Variants in APOB observed in about 807,000 individuals in gnomAD.
APOB encodes apolipoprotein B-100.
In APOB, 153 loss-of-function variants were observed where a neutral mutation model predicts 314.1. That is an observed-to-expected ratio of 0.49 (90% CI 0.43 to 0.56). The LOEUF is 0.56. Ranked by LOEUF, APOB falls within the 20% of genes least tolerant of loss-of-function variation. APOB has a pLI of 0.00. For missense variants in APOB, 5,430 were observed against 5,350.7 expected, an observed-to-expected ratio of 1.01 and a Z score of -0.46; for synonymous variants, 2,087 against 2,036.4, an observed-to-expected ratio of 1.02 and a Z score of -0.67.
chr2:21,013,130 C>T (rs749937860), intron 25 of APOB, 30 bp downstream of exon 25: 26 of 1,612,378 alleles, frequency 1.6e-5, no homozygotes, highest in East Asian at 6.7e-5. Context: ...TGAACTAGCC[C>T]GGTGCACCCT....
intron 2 of APOB, 122 bp downstream of exon 2, chr2:21,043,391 T>G (rs1664180952): frequency 2.5e-6 from 3 of 1,176,824 alleles, no homozygotes; most frequent in African/African-American, 1.5e-5. Context: ...CTTCCTGGGG[T>G]CAGAGCAAGG....
Position 21,007,013 on chromosome 2 carries a change from G to A in APOB, c.9855C>T (p.Ile3285=), listed in dbSNP as rs72654403. The A allele has an allele frequency of 3.6e-4, 587 of 1,614,012 alleles. 3 individuals are homozygous for A. The Middle Eastern group carries it at 6.1e-3, about 17-fold the overall frequency. ...AAGGCACACGGACGTCAGAACCTAGGATGGAGAAACTAGGCATGCTGACTG... is the reference window on the plus strand; with the variant it reads ...AAGGCACACGGACGTCAGAACCTAGAATGGAGAAACTAGGCATGCTGACTG... ...PKAVSMPSFS[I]LGSDVRVPSY... is the part of the protein sequence containing the mutation. The change falls in exon 26 of 29, where the codon ATC becomes ATT. Residue 3285 remains isoleucine (I), a synonymous_variant. Coordinates refer to ENST00000233242, the MANE Select transcript of APOB (RefSeq NM_000384.3).
At chr2:21,041,128 T>G in intron 3 of APOB, 45 bp from the exon 4 acceptor site, 1 of 1,596,328 alleles carries the variant, frequency 6.3e-7, no homozygotes, top group East Asian at 2.2e-5. Flanking sequence ...CTATCAAGAA[T>G]GAGAGGTGGC....
rs201595604 is a variant in APOB at position 21,025,036 on chromosome 2, C to T, written c.2333G>A (p.Arg778His). ...AAAACCAAGCTCCTCTCCCAAGATGCGGAGGTAGGCTCTGGCTTCCGGGAC... is the reference window on the plus strand; with the variant it reads ...AAAACCAAGCTCCTCTCCCAAGATGTGGAGGTAGGCTCTGGCTTCCGGGAC... The part of the protein sequence containing the change: ...KEVPEARAYL[R>H]ILGEELGFAS... Residue 778 changes from arginine to histidine, a missense_variant, in exon 16 of 29, where the codon CGC becomes CAC. Around this residue, in one of 3 missense-constraint regions of APOB, gnomAD observed 2,085 missense variants for 2,079.7 expected, o/e 1.00. Coordinates refer to ENST00000233242, the MANE Select transcript of APOB (RefSeq NM_000384.3). 1.7e-5 allele frequency: 27 copies of T among 1,614,222 alleles called. No homozygotes were observed. The Admixed American group carries it at 2.5e-4, about 15-fold the overall frequency.
chr2:21,026,859 G>A lies in APOB; in HGVS notation c.2173C>T (p.Gln725Ter), dbSNP rs374473614. The A allele has an allele frequency of 6.2e-7, 1 of 1,613,898 alleles. No homozygotes were observed. Among genetic ancestry groups the A allele is most frequent in the Non-Finnish European group, 8.5e-7 (1 of 1,179,912 alleles). The part of the protein sequence containing the change: ...VNKALYWVNG[Q>*]VPDGVSKVLV... ...ACCTTAGAGACACCATCAGGAACTT[G>A]ACCATTAACCCAGTACAAAGCTTTG... The change falls in exon 15 of 29, where the codon CAA (glutamine) becomes TAA (stop). Residue 725 changes from glutamine (Q) to a stop codon, truncating the protein, a stop_gained. Coordinates refer to ENST00000233242, the MANE Select transcript of APOB (RefSeq NM_000384.3). LOFTEE classifies it high-confidence loss of function.
intron 12 of APOB, 55 bp downstream of exon 12, chr2:21,029,584 T>C: frequency 6.3e-7 from 1 of 1,596,262 alleles, no homozygotes; most frequent in South Asian, 1.1e-5. Flanking sequence ...CCCTAGTACC[T>C]TCCAAATCCT....
intron 25 of APOB, 104 bp downstream of exon 25, chr2:21,013,056 A>T: frequency 1.4e-6 from 2 of 1,390,526 alleles, no homozygotes; most frequent in Non-Finnish European, 2.0e-6. Context: ...AGCAAGGAAG[A>T]TTATCTGCTA....
rs536526822 is a variant in APOB at position 21,030,103 on chromosome 2, A to G, written c.1353-88T>C. On this transcript the variant is annotated intron_variant, in intron 10 of 28. Coordinates refer to ENST00000233242, the MANE Select transcript of APOB (RefSeq NM_000384.3). ...AACTTGTGAATTAGAAAAAATAATTATAAAATTCATATGGAATCCAAAAAG... is the reference window on the plus strand; with the variant it reads ...AACTTGTGAATTAGAAAAAATAATTGTAAAATTCATATGGAATCCAAAAAG... 9.6e-6 allele frequency: 8 copies of G among 830,852 alleles called. No individual in the cohort carries two copies. The African/African-American group carries it at 1.0e-4, about 11-fold the overall frequency. 51.5% of individuals were successfully genotyped at this position (830,852 alleles called of 1,614,324 possible).
intron 7 of APOB, 36 bp downstream of exon 7, chr2:21,035,548 T>A (rs769726778): frequency 3.7e-6 from 6 of 1,613,132 alleles, no homozygotes; most frequent in Non-Finnish European, 5.1e-6. Context: ...CACTGACCCA[T>A]TAAATGACAA....
chr2:21,007,327 T>C lies in APOB; in HGVS notation c.9541A>G (p.Lys3181Glu). ...LSVKAQYKKN[K>E]HRHSITNPLA... is the part of the protein sequence containing the mutation. ...GGATTTGTGATGGAATGCCTGTGTT[T>C]GTTTTTCTTATACTGAGCTTTTACA... Residue 3181 changes from lysine (K) to glutamate (E), a missense_variant, in exon 26 of 29, where the codon AAA (lysine) becomes GAA (glutamate). Lys to Glu is a moderately conservative substitution (Grantham distance 56). Transcript: ENST00000233242. The C allele has an allele frequency of 6.2e-7, 1 of 1,614,062 alleles. No individual in the cohort carries two copies. Among genetic ancestry groups the C allele is most frequent in the Non-Finnish European group, 8.5e-7 (1 of 1,179,970 alleles).
At chr2:21,026,360 G>C (rs1663731396) in intron 15 of APOB, among the ~76,000 whole-genome samples, 1 of 151,778 alleles carries the variant, frequency 6.6e-6, no homozygotes, top group South Asian at 2.1e-4. Context: ...CAATTCTCCT[G>C]TCTCAGCCTC....
chr2:21,011,762 T>A lies in APOB; in HGVS notation c.5106A>T (p.Lys1702Asn). The change falls in exon 26 of 29, where the codon AAA (lysine) becomes AAT (asparagine). Residue 1702 changes from lysine to asparagine, a missense_variant. Transcript: ENST00000233242. ...EHNAKFSLDG[K>N]AALTELSLGS... ...CCAGTGATAGCTCTGTGAGGGCGGC[T>A]TTCCCATCCAGACTGAATTTTGCAT... 1 of 1,614,130 alleles carries A rather than the reference T, an allele frequency of 6.2e-7. No individual in the cohort carries two copies. The highest frequency in any genetic ancestry group is 8.5e-7 in the Non-Finnish European group (1 of 1,180,038).
rs75165693 is a variant in APOB at position 21,005,678 on chromosome 2, G to T, written c.11190C>A (p.Phe3730Leu). 6.2e-7 allele frequency: 1 copy of T among 1,613,940 alleles called. No homozygotes were observed. The highest frequency in any genetic ancestry group is 2.2e-5 in the East Asian group (1 of 44,872). Residue 3730 changes from phenylalanine to leucine, a missense_variant, in exon 26 of 29, where the codon TTC becomes TTA. Phe to Leu is a conservative substitution (Grantham distance 22). Coordinates refer to ENST00000233242, the MANE Select transcript of APOB (RefSeq NM_000384.3). Reference sequence around the variant, plus strand: ...CATTTAGTTTCAGCCCAGGAATAATGAATTTATCAGCCAAAACTTTTACAG... The same window carrying T: ...CATTTAGTTTCAGCCCAGGAATAATTAATTTATCAGCCAAAACTTTTACAG... Reference protein sequence around the residue: ...SIPVKVLADKFIIPGLKLNDL... With the variant: ...SIPVKVLADKLIIPGLKLNDL...
Position 21,044,073 on chromosome 2 carries a change from T to A in APOB, c.-128A>T, listed in dbSNP as rs1319302345. 2.6e-6 allele frequency: 1 copy of A among 385,916 alleles called. No individual in the cohort carries two copies. Among genetic ancestry groups the A allele is most frequent in the Non-Finnish European group, 4.3e-6 (1 of 233,296 alleles). The allele number at this position is 385,916 out of a possible 1,614,324, so 23.9% of individuals were successfully genotyped here. ...TCAGCCCCGCAGGTCCCGGTGGGAA[T>A]GCGCGGCCGGCGCCCGCACCCCATT... On this transcript the variant is annotated 5_prime_UTR_variant, in exon 1 of 29. Transcript: ENST00000233242.
In APOB at chr2:21,023,617, G is replaced by A; in HGVS notation, c.2512C>T (p.Leu838Phe). 1.9e-6 allele frequency: 3 copies of A among 1,614,148 alleles called. No homozygotes were observed. Among genetic ancestry groups the A allele is most frequent in the Non-Finnish European group, 2.5e-6 (3 of 1,179,996 alleles). The change falls in exon 17 of 29, where the codon CTC becomes TTC. Residue 838 changes from leucine to phenylalanine, a missense_variant. Physicochemically the swap from Leu to Phe is conservative, Grantham distance 22. This residue lies in a region of APOB where 2,085 missense variants were observed against 2,079.7 expected (regional missense o/e 1.00). Transcript: ENST00000233242. ...AACTGTAATCCAGCTCCAGTGGGGA[G>A]TTCAAAGGCATTCTCCATGAAGATG... The part of the protein sequence containing the change: ...HYIFMENAFE[L>F]PTGAGLQLQI...
rs1663212251 is a variant in APOB at position 21,008,485 on chromosome 2, C to T, written c.8383G>A (p.Ala2795Thr). The T allele has an allele frequency of 3.1e-6, 5 of 1,614,042 alleles. No individual in the cohort carries two copies. The East Asian group carries it at 1.1e-4, about 36-fold the overall frequency. The stretch of plus-strand genomic sequence containing the variant: ...ACTTCTAATTTGGACTCTCCTTTGG[C>T]AGTGATGGAAGCTGCGATACCTGCT... ...NEAGIAASIT[A>T]KGESKLEVLN... The change falls in exon 26 of 29, where the codon GCC becomes ACC. Residue 2795 changes from alanine (A) to threonine (T), a missense_variant. Coordinates refer to ENST00000233242, the MANE Select transcript of APOB (RefSeq NM_000384.3).
At position 21,006,178 on chromosome 2, in the gene APOB, C is replaced by G; in HGVS notation, c.10690G>C (p.Glu3564Gln). Residue 3564 changes from glutamate to glutamine, a missense_variant, in exon 26 of 29, where the codon GAG becomes CAG. Coordinates refer to ENST00000233242, the MANE Select transcript of APOB (RefSeq NM_000384.3). ...TGTAAGTGGTTTTTCGTACTGTGCT[C>G]CCAGAGGGAATATATGCGTTGGAGT... ...ATLQRIYSLW[E>Q]HSTKNHLQLE... is the part of the protein sequence containing the mutation. 2 of 1,613,980 alleles carry G rather than the reference C, an allele frequency of 1.2e-6. No homozygotes were observed. Among genetic ancestry groups the G allele is most frequent in the Non-Finnish European group, 1.7e-6 (2 of 1,179,936 alleles).
rs770208261 is a variant in APOB, at chr2:21,043,996, C to T, written c.-51G>A. On this transcript the variant is annotated 5_prime_UTR_variant, in exon 1 of 29. Coordinates refer to ENST00000233242, the MANE Select transcript of APOB (RefSeq NM_000384.3). The stretch of plus-strand genomic sequence containing the variant: ...GGGCTGCGGCCTGGCCTCGGCCTCG[C>T]GGCCCTGGCTGGCTGGGCGGGCTCC... The T allele has an allele frequency of 8.9e-6, 9 of 1,010,578 alleles. No homozygotes were observed. Among genetic ancestry groups the T allele is most frequent in the Non-Finnish European group, 1.1e-5 (9 of 791,444 alleles). The allele number at this position is 1,010,578 out of a possible 1,614,324, so 62.6% of individuals were successfully genotyped here. A position where few individuals can be genotyped will look rare whatever the true frequency, so the allele number is the denominator to read the frequency against.
Position 21,002,711 on chromosome 2 carries a change from A to G in APOB, c.12711T>C (p.Asn4237=). 6.2e-7 allele frequency: 1 copy of G among 1,613,636 alleles called. No individual in the cohort carries two copies. The highest frequency in any genetic ancestry group is 1.1e-5 in the South Asian group (1 of 91,028). ...VLSQVYSKVH[N]GSEILFSYFQ... ...AATAGGAAAACAGTATTTCTGAACC[A>G]TTATGGACTTTCGAATATACCTGGG... The change falls in exon 29 of 29, where the codon AAT becomes AAC. Residue 4237 remains asparagine (N), a synonymous_variant. Coordinates refer to ENST00000233242, the MANE Select transcript of APOB (RefSeq NM_000384.3).
Sources: gnomAD v4.1 joint callset for allele counts (sites outside exome capture counted in the v4.1 genomes callset) on GRCh38, gnomAD v4.1.1 for gene constraint, gnomAD v4.1.1 regional missense constraint, MANE v1.5 for transcripts, NCBI Gene and HGNC (gene_info 2026-07-23, HGNC 2026-07-21) for gene names.